The following ACOXL variants were observed in gnomAD, a reference collection of about 807,000 sequenced individuals.
ACOXL encodes acyl-CoA oxidase like.
In ACOXL, 70 loss-of-function variants were observed where a neutral mutation model predicts 71.9. The ratio of observed to expected loss-of-function variants is 0.97; its 90% CI spans 0.80 to 1.19. The LOEUF is 1.19. ACOXL is among the 50% of genes most tolerant of loss of function. The probability of loss-of-function intolerance (pLI) is 0.00; values close to 1 mark genes in which losing one functional copy is unlikely to be tolerated. For missense variants in ACOXL, 703 were observed against 736.3 expected (o/e 0.95, Z 0.52); for synonymous variants, 253 against 281.6 (o/e 0.90, Z 1.02).
At chr2:110,933,688 C>G in intron 12 of ACOXL, 46 bp downstream of exon 12, 2 of 1,569,654 alleles carry the variant, frequency 1.3e-6, no homozygotes. Context: ...ACGATACAAC[C>G]CACACTGGGG....
chr2:111,084,308 C>CACAA (rs2068091171), intron 16 of ACOXL, among the ~76,000 whole-genome samples: 1 of 132,338 alleles, frequency 7.6e-6, no homozygotes, highest in South Asian at 2.4e-4. Context: ...CACACACACA[C>CACAA]AAGAAGTGGA....
intron 10 of ACOXL, among the ~76,000 whole-genome samples, chr2:110,885,865 C>T (rs1444377539): frequency 1.3e-5 from 2 of 152,038 alleles, no homozygotes; most frequent in African/African-American, 4.8e-5. Flanking sequence ...GCTGTTACAC[C>T]CTTGCAAATG....
At chr2:111,039,611 A>C (rs1038918307) in intron 15 of ACOXL, among the ~76,000 whole-genome samples, 1 of 152,204 alleles carries the variant, frequency 6.6e-6, no homozygotes, top group Admixed American at 6.5e-5. Context: ...AATACTTTTG[A>C]ATTTTTATAT....
chr2:110,835,122 A>G (rs1690293163), intron 9 of ACOXL, among the ~76,000 whole-genome samples: 1 of 152,232 alleles, frequency 6.6e-6, no homozygotes, highest in Admixed American at 6.5e-5. Flanking sequence ...TGATTTAACA[A>G]CTTGTCTTTT....
intron 8 of ACOXL, among the ~76,000 whole-genome samples, chr2:110,804,668 C>G (rs1686413145): frequency 6.6e-6 from 1 of 152,070 alleles, no homozygotes; most frequent in Non-Finnish European, 1.5e-5. Context: ...AAATGGAGTA[C>G]TAACACGTGC....
At chr2:110,860,728 G>A (rs1389058172) in intron 10 of ACOXL, among the ~76,000 whole-genome samples, 1 of 152,214 alleles carries the variant, frequency 6.6e-6, no homozygotes, top group East Asian at 1.9e-4. Flanking sequence ...GAGACCAGGA[G>A]CTTTGGAGAG....
At chr2:111,057,580 G>A (rs1378985724) in intron 16 of ACOXL, among the ~76,000 whole-genome samples, 1 of 152,140 alleles carries the variant, frequency 6.6e-6, no homozygotes, top group Non-Finnish European at 1.5e-5. Flanking sequence ...GAGGGAGAGG[G>A]GTGGTAGGGG....
chr2:111,022,140 G>A (rs1012018085), intron 14 of ACOXL, among the ~76,000 whole-genome samples: 9 of 152,152 alleles, frequency 5.9e-5, no homozygotes, highest in Admixed American at 5.9e-4. Context: ...ATCACCTGAG[G>A]TCAGGAGTTC....
At chr2:110,854,195 C>T (rs1344223075) in intron 10 of ACOXL, among the ~76,000 whole-genome samples, 1 of 152,090 alleles carries the variant, frequency 6.6e-6, no homozygotes, top group Non-Finnish European at 1.5e-5. Flanking sequence ...CATGGGCTGG[C>T]AGCAACTTCT....
At chr2:110,751,760 C>T (rs950752522) in intron 1 of ACOXL, among the ~76,000 whole-genome samples, 2 of 152,156 alleles carry the variant, frequency 1.3e-5, no homozygotes, top group Non-Finnish European at 2.9e-5. Flanking sequence ...GAGGTAACCA[C>T]GGTTGTGTGT....
At position 110,908,762 on chromosome 2, in the gene ACOXL, A is replaced by G. The variant is rs6727670; in HGVS notation, c.789-27A>G. On this transcript the variant is annotated intron_variant, in intron 10 of 17. Transcript: ENST00000439055. ...TACCTCCCGCTCCTGGATTTTGGTA[A>G]AAATCGTGTCTGTTGATTCCCTCTA... 3,425 of 1,588,774 alleles carry G rather than the reference A, an allele frequency of 2.2e-3. 63 individuals are homozygous for G. The African/African-American group carries it at 0.038, about 18-fold the overall frequency.
chr2:110,978,116 G>A (rs906439652), intron 12 of ACOXL, among the ~76,000 whole-genome samples: 1 of 152,196 alleles, frequency 6.6e-6, no homozygotes, highest in African/African-American at 2.4e-5. Context: ...TTCTGTAACA[G>A]AATACCACTA....
intron 1 of ACOXL, among the ~76,000 whole-genome samples, chr2:110,753,123 G>T (rs1454489058): frequency 6.6e-6 from 1 of 152,044 alleles, no homozygotes; most frequent in Non-Finnish European, 1.5e-5. Flanking sequence ...TTGAGAGCTG[G>T]TTGTTTAAAT....
intron 17 of ACOXL, among the ~76,000 whole-genome samples, chr2:111,095,937 C>T (rs2068777294): frequency 6.6e-6 from 1 of 152,358 alleles, no homozygotes; most frequent in African/African-American, 2.4e-5. Context: ...TCCTTTCCCA[C>T]TGCCACCATA....
At chr2:111,052,859 C>T (rs1369135286) in intron 16 of ACOXL, among the ~76,000 whole-genome samples, 1 of 152,158 alleles carries the variant, frequency 6.6e-6, no homozygotes, top group Admixed American at 6.5e-5. Context: ...CCCACCCCCC[C>T]AATCTAGGAA....
At chr2:110,914,812 T>G (rs2059778095) in intron 11 of ACOXL, among the ~76,000 whole-genome samples, 1 of 152,198 alleles carries the variant, frequency 6.6e-6, no homozygotes, top group South Asian at 2.1e-4. Flanking sequence ...CTGCAGATTG[T>G]TATTGTCTTT....
chr2:110,835,320 C>T (rs1470921311), intron 9 of ACOXL, among the ~76,000 whole-genome samples: 1 of 151,868 alleles, frequency 6.6e-6, no homozygotes, highest in Non-Finnish European at 1.5e-5. Flanking sequence ...ATAAAGTAAG[C>T]TCCATAGTGA....
chr2:110,924,493 G>C (rs544987538), intron 11 of ACOXL, among the ~76,000 whole-genome samples: 1 of 152,152 alleles, frequency 6.6e-6, no homozygotes, highest in Non-Finnish European at 1.5e-5. Flanking sequence ...ATCCTCACTT[G>C]TTATTTCAAC....
chr2:110,890,964 T>C (rs1344727714), intron 10 of ACOXL, among the ~76,000 whole-genome samples: 1 of 151,410 alleles, frequency 6.6e-6, no homozygotes, highest in Admixed American at 6.6e-5. Flanking sequence ...TTCTTTCAAC[T>C]TTTTTTTTGT....
Sources: gnomAD v4.1 joint callset for allele counts (sites outside exome capture counted in the v4.1 genomes callset) on GRCh38, gnomAD v4.1.1 for gene constraint, MANE v1.5 for transcripts, NCBI Gene and HGNC (gene_info 2026-07-23, HGNC 2026-07-21) for gene names.